The following RUNX1T1 variants were observed in gnomAD, a reference collection of about 807,000 sequenced individuals.
The protein encoded by RUNX1T1 is protein CBFA2T1.
A neutral mutation model predicts 62.8 loss-of-function variants in RUNX1T1; 4 were observed. That is an observed-to-expected ratio of 0.06 (90% CI 0.03 to 0.15). RUNX1T1 has a LOEUF of 0.15. Among genes scored for constraint, RUNX1T1 ranks in the 10% least tolerant of loss-of-function variants. The probability of loss-of-function intolerance (pLI) is 1.00; values close to 1 mark genes in which losing one functional copy is unlikely to be tolerated. For missense variants in RUNX1T1, 508 were observed against 754.3 expected, an observed-to-expected ratio of 0.67 and a Z score of 3.82; for synonymous variants, 291 against 286.0, an observed-to-expected ratio of 1.02 and a Z score of -0.18.
intron 1 of RUNX1T1, among the ~76,000 whole-genome samples, chr8:92,058,559 C>G (rs1027162876): frequency 1.3e-5 from 2 of 152,130 alleles, no homozygotes; most frequent in African/African-American, 2.4e-5. Flanking sequence ...GATTTACAAA[C>G]AGCACAGTTA....
chr8:92,040,248 G>C (rs1007900522), intron 1 of RUNX1T1, among the ~76,000 whole-genome samples: 24 of 152,190 alleles, frequency 1.6e-4, no homozygotes, highest in Non-Finnish European at 3.5e-4. Flanking sequence ...TCAGAGCAAA[G>C]AGTTGATCAT....
At chr8:92,071,788 T>C (rs1311319005) in intron 2 of RUNX1T1, among the ~76,000 whole-genome samples, 1 of 152,198 alleles carries the variant, frequency 6.6e-6, no homozygotes, top group Non-Finnish European at 1.5e-5. Flanking sequence ...CTGCTGGGTA[T>C]GAGCCTGACC....
intron 1 of RUNX1T1, among the ~76,000 whole-genome samples, chr8:92,060,553 A>ATATATGTGTGTGTGTGTGTGTG: frequency 1.3e-4 from 8 of 63,946 alleles, no homozygotes; most frequent in African/African-American, 4.0e-4. Context: ...ATATATATAT[A>ATATATGTGTGTGTGTGTGTGTG]TGTGTGTGTG....
At chr8:92,075,933 T>C (rs748913819) in intron 2 of RUNX1T1, 32 bp downstream of exon 2, 2 of 1,573,418 alleles carry the variant, frequency 1.3e-6, no homozygotes, top group East Asian at 4.5e-5. Flanking sequence ...CGTAAGTAAA[T>C]TGCAAAATCA....
chr8:92,017,284 C>A (rs1387754401), exon 2 of RUNX1T1: 1 of 1,613,988 alleles, frequency 6.2e-7, no homozygotes, highest in Non-Finnish European at 8.5e-7. Flanking sequence ...GGGGAGGTGG[C>A]ATTGTTGGAG....
chr8:92,048,954 G>T (rs978878247), intron 1 of RUNX1T1, among the ~76,000 whole-genome samples: 1 of 152,122 alleles, frequency 6.6e-6, no homozygotes, highest in African/African-American at 2.4e-5. Flanking sequence ...AAATGAGGAG[G>T]TATGGTGGCT....
chr8:92,000,082 G>T (rs1247714535), intron 5 of RUNX1T1, among the ~76,000 whole-genome samples: 2 of 152,136 alleles, frequency 1.3e-5, no homozygotes, highest in Non-Finnish European at 2.9e-5. Context: ...GAGATGGGTG[G>T]ATCACCTGAG....
intron 1 of RUNX1T1, among the ~76,000 whole-genome samples, chr8:92,037,448 C>T (rs1047647444): frequency 6.6e-6 from 1 of 152,178 alleles, no homozygotes; most frequent in Admixed American, 6.5e-5. Context: ...GAGGCTGAGG[C>T]AGGCAGATCA....
intron 1 of RUNX1T1, chr8:92,095,380 G>A: frequency 6.5e-7 from 1 of 1,535,432 alleles, no homozygotes; most frequent in Non-Finnish European, 8.7e-7. Context: ...AGCGGCCGCG[G>A]CCGAGGCGGC....
Position 91,960,653 on chromosome 8 carries a change from C to T in RUNX1T1, c.1459-136G>A, listed in dbSNP as rs143861730. The T allele has an allele frequency of 1.6e-4, 144 of 902,888 alleles. No homozygotes were observed. The African/African-American group carries it at 1.8e-3, about 11-fold the overall frequency. The allele number at this position is 902,888 out of a possible 1,614,324, so 55.9% of individuals were successfully genotyped here. On this transcript the variant is annotated intron_variant, in intron 10 of 10. Transcript: ENST00000396218. ...TCAGGATGAAAAATCCAGGTGTTCA[C>T]GTATGGATACAAACACTAAACACAG... is the stretch of plus-strand genomic sequence containing the variant.
chr8:91,996,436 C>T lies in RUNX1T1; in HGVS notation c.660-4547G>A, dbSNP rs192538878. ...CAGGATGGTCTCGATATCCTGACCT[C>T]GCGATCCGCCCGCCTCGGCCTCCCA... On this transcript the variant is annotated intron_variant, in intron 5 of 10. Transcript: ENST00000396218. 1.3e-3 allele frequency among the ~76,000 whole-genome samples: 191 copies of T among 152,240 alleles called. 1 individual carries two copies. Among genetic ancestry groups the T allele is most frequent in the Non-Finnish European group, 2.1e-3 (143 of 68,016 alleles).
intron 2 of RUNX1T1, among the ~76,000 whole-genome samples, chr8:92,015,309 G>A (rs896750787): frequency 1.3e-5 from 2 of 152,114 alleles, no homozygotes; most frequent in Admixed American, 6.5e-5. Context: ...ATAGGAATAG[G>A]ACTTTCAAGT....
upstream of RUNX1T1, chr8:92,063,582 C>G (rs754853478): frequency 1.3e-5 from 2 of 152,128 alleles, no homozygotes; most frequent in Non-Finnish European, 2.9e-5. Flanking sequence ...AACTAGAAGC[C>G]TTTGTTATAG....
chr8:91,960,251 G>C, exon 11 of RUNX1T1: 1 of 1,608,862 alleles, frequency 6.2e-7, no homozygotes, highest in South Asian at 1.1e-5. Flanking sequence ...TCTAGCGAGG[G>C]GTTGTCTCTA....
chr8:92,058,588 A>T (rs1475400731), intron 1 of RUNX1T1, among the ~76,000 whole-genome samples: 1 of 152,214 alleles, frequency 6.6e-6, no homozygotes, highest in African/African-American at 2.4e-5. Context: ...TCCTCAAAAG[A>T]TCTTCTTACT....
chr8:92,088,156 T>G (rs1836418284), intron 1 of RUNX1T1, among the ~76,000 whole-genome samples: 1 of 152,152 alleles, frequency 6.6e-6, no homozygotes, highest in Non-Finnish European at 1.5e-5. Context: ...GTTACAAAAG[T>G]TACAGAATCC....
chr8:91,967,022 A>G (rs1403752419), intron 10 of RUNX1T1, among the ~76,000 whole-genome samples: 1 of 152,236 alleles, frequency 6.6e-6, no homozygotes, highest in Non-Finnish European at 1.5e-5. Context: ...ACCAGCTCAC[A>G]CTTACTGACC....
chr8:92,051,129 T>C (rs1000861373), intron 1 of RUNX1T1, among the ~76,000 whole-genome samples: 2 of 152,216 alleles, frequency 1.3e-5, no homozygotes, highest in African/African-American at 4.8e-5. Flanking sequence ...CTTTGTTTAC[T>C]GTCTGTCTCC....
intron 1 of RUNX1T1, among the ~76,000 whole-genome samples, chr8:92,098,916 G>A (rs1303529700): frequency 6.6e-6 from 1 of 152,088 alleles, no homozygotes; most frequent in African/African-American, 2.4e-5. Context: ...CTGAACTAAT[G>A]TTTGCTTTAA....
Sources: allele counts gnomAD v4.1 joint callset (sites outside exome capture counted in the v4.1 genomes callset), GRCh38; gene constraint gnomAD v4.1.1; transcripts MANE v1.5; gene names NCBI Gene and HGNC (gene_info 2026-07-23, HGNC 2026-07-21).